Variants in DHX32 observed in about 807,000 individuals in gnomAD.
DHX32 encodes putative pre-mRNA-splicing factor ATP-dependent RNA helicase DHX32.
In DHX32, 51 loss-of-function variants were observed where a neutral mutation model predicts 70.0. The observed-to-expected ratio is 0.73, with a 90% confidence interval of 0.58 to 0.92. The LOEUF is 0.92. Among genes scored for constraint, DHX32 ranks in the 40% least tolerant of loss-of-function variants. The pLI, the probability that DHX32 is intolerant of heterozygous loss-of-function variation, is 0.00. For synonymous variants in DHX32, 310 were observed against 315.3 expected (o/e 0.98, Z 0.18); for missense variants, 762 against 891.8 (o/e 0.85, Z 1.85).
intron 6 of DHX32, among the ~76,000 whole-genome samples, chr10:125,844,656 A>G (rs1943989809): frequency 6.6e-6 from 1 of 152,234 alleles, no homozygotes; most frequent in East Asian, 1.9e-4. Flanking sequence ...TTGCTTAGCT[A>G]AAAAGCAGAA....
At position 125,854,220 on chromosome 10, in the gene DHX32, C is replaced by T; in HGVS notation, c.850-17G>A. ...CTCAATATCCTAAAGAAAAAAAAACCCATGAAAATAAAATACAATGCAAAC... is the reference window on the plus strand; with the variant it reads ...CTCAATATCCTAAAGAAAAAAAAACTCATGAAAATAAAATACAATGCAAAC... On this transcript the variant is annotated splice_polypyrimidine_tract_variant and intron_variant, in intron 3 of 10. Transcript: ENST00000284690. The T allele has an allele frequency of 6.4e-7, 1 of 1,562,580 alleles. No homozygotes were observed. The highest frequency in any genetic ancestry group is 8.6e-7 in the Non-Finnish European group (1 of 1,163,112).
Position 125,836,775 on chromosome 10 carries a change from T to C in DHX32, c.2144A>G (p.Asp715Gly). Residue 715 changes from aspartate to glycine, a missense_variant, in exon 11 of 11, where the codon GAT becomes GGT. Around this residue, in one of 3 missense-constraint regions of DHX32, gnomAD observed 366 missense variants for 402.6 expected, o/e 0.91. Coordinates refer to ENST00000284690, the MANE Select transcript of DHX32 (RefSeq NM_018180.3). ...ESKDILQQVVDHLSPVSTMNK... is the reference protein window; with the variant it reads ...ESKDILQQVVGHLSPVSTMNK... ...CATTGTTGACACAGGGGATAGGTGATCCACTACTTGCTGTAGAATGTCCTT... is the reference window on the plus strand; with the variant it reads ...CATTGTTGACACAGGGGATAGGTGACCCACTACTTGCTGTAGAATGTCCTT... 1 of 1,614,144 alleles carries C rather than the reference T, an allele frequency of 6.2e-7. No homozygotes were observed. The highest frequency in any genetic ancestry group is 8.5e-7 in the Non-Finnish European group (1 of 1,180,008).
At chr10:125,847,792 A>C (rs1343049078) in intron 6 of DHX32, among the ~76,000 whole-genome samples, 1 of 152,170 alleles carries the variant, frequency 6.6e-6, no homozygotes, top group Non-Finnish European at 1.5e-5. Flanking sequence ...GTGACAGATC[A>C]TCAGGCATTA....
intron 6 of DHX32, among the ~76,000 whole-genome samples, chr10:125,847,080 A>G (rs1454792474): frequency 6.6e-6 from 1 of 152,180 alleles, no homozygotes; most frequent in Non-Finnish European, 1.5e-5. Flanking sequence ...GGCATTGTGT[A>G]AAAGAGTCCA....
At chr10:125,885,098 C>T (rs1198327356), upstream of DHX32, among the ~76,000 whole-genome samples, 1 of 152,136 alleles carries the variant, frequency 6.6e-6, no homozygotes, top group Non-Finnish European at 1.5e-5. Context: ...TCAGACTTTA[C>T]ACGCCTGCAA....
At chr10:125,891,353 CTTT>C (rs33930520) in intron 1 of DHX32, among the ~76,000 whole-genome samples, 34 of 134,366 alleles carry the variant, frequency 2.5e-4, no homozygotes, top group African/African-American at 4.0e-4. Flanking sequence ...CTCTCTCTCT[CTTT>C]TTTTTTTTAA....
chr10:125,867,068 T>A lies in DHX32; in HGVS notation c.398A>T (p.Glu133Val), dbSNP rs1365918792. 1.9e-6 allele frequency: 3 copies of A among 1,614,242 alleles called. No individual in the cohort carries two copies. Among genetic ancestry groups the A allele is most frequent in the Non-Finnish European group, 2.5e-6 (3 of 1,180,034 alleles). Reference protein sequence around the residue: ...VVQLALRVADEMDVNIGHEVG... With the variant: ...VVQLALRVADVMDVNIGHEVG... Reference sequence around the variant, plus strand: ...CTCATGACCAATGTTAACATCCATTTCATCCGCCACCCGCAGGGCGAGCTG... The same window carrying A: ...CTCATGACCAATGTTAACATCCATTACATCCGCCACCCGCAGGGCGAGCTG... Residue 133 changes from glutamate (E) to valine (V), a missense_variant, in exon 2 of 11, where the codon GAA becomes GTA. Coordinates refer to ENST00000284690, the MANE Select transcript of DHX32 (RefSeq NM_018180.3).
intron 1 of DHX32, among the ~76,000 whole-genome samples, chr10:125,893,544 G>GT (rs1163614940): frequency 6.6e-6 from 1 of 152,206 alleles, no homozygotes; most frequent in Non-Finnish European, 1.5e-5. Context: ...CGCCCGGCCA[G>GT]TGTCCTTTAG....
chr10:125,841,119 T>C (rs1446675793), intron 7 of DHX32, 123 bp from the exon 8 acceptor site: 4 of 1,358,622 alleles, frequency 2.9e-6, no homozygotes, highest in Non-Finnish European at 4.0e-6. Context: ...TCTGAATAAA[T>C]ATGTTATTCT....
At chr10:125,848,567 C>G (rs1944052916) in intron 6 of DHX32, among the ~76,000 whole-genome samples, 1 of 152,188 alleles carries the variant, frequency 6.6e-6, no homozygotes, top group Non-Finnish European at 1.5e-5. Flanking sequence ...GCCAGCACAG[C>G]TGATGCTGGA....
At chr10:125,852,973 G>A (rs1944110810) in intron 4 of DHX32, 1 of 634,914 alleles carries the variant, frequency 1.6e-6, no homozygotes, top group Non-Finnish European at 2.8e-6. Flanking sequence ...ACAGAGAAAG[G>A]GTTCTCACCT....
At chr10:125,839,213 A>G (rs1854797993) in intron 8 of DHX32, 25 bp from the exon 9 acceptor site, 1 of 1,606,506 alleles carries the variant, frequency 6.2e-7, no homozygotes, top group Non-Finnish European at 8.5e-7. Flanking sequence ...ACACAAGGCT[A>G]TTTAGAAATG....
chr10:125,861,718 C>T (rs1564828632), intron 2 of DHX32, among the ~76,000 whole-genome samples: 1 of 152,172 alleles, frequency 6.6e-6, no homozygotes, highest in African/African-American at 2.4e-5. Flanking sequence ...CTTCACTGGG[C>T]GAGAGCTCGT....
upstream of DHX32, among the ~76,000 whole-genome samples, chr10:125,885,327 G>C (rs1345421918): frequency 6.6e-6 from 1 of 152,112 alleles, no homozygotes; most frequent in Non-Finnish European, 1.5e-5. Context: ...TACTTTGCAT[G>C]GCAAAAGGGA....
intron 8 of DHX32, among the ~76,000 whole-genome samples, chr10:125,840,459 G>A (rs1854843997): frequency 6.6e-6 from 1 of 152,228 alleles, no homozygotes; most frequent in Non-Finnish European, 1.5e-5. Flanking sequence ...TGGTGAATGT[G>A]CCAGGATACG....
upstream of DHX32, among the ~76,000 whole-genome samples, chr10:125,882,483 T>C (rs1044985020): frequency 1.3e-5 from 2 of 152,136 alleles, no homozygotes; most frequent in African/African-American, 4.8e-5. Context: ...AAGGGCTTAT[T>C]AGATGAGTAA....
intron 3 of DHX32, among the ~76,000 whole-genome samples, chr10:125,855,791 C>T (rs534503691): frequency 1.9e-3 from 287 of 152,274 alleles, no homozygotes; most frequent in African/African-American, 6.6e-3. Flanking sequence ...TACTTTTATT[C>T]TCCTAGAAGA....
upstream of DHX32, among the ~76,000 whole-genome samples, chr10:125,883,866 G>A (rs1944330675): frequency 6.6e-6 from 1 of 152,154 alleles, no homozygotes; most frequent in African/African-American, 2.4e-5. Flanking sequence ...TGCTCTCCTG[G>A]AGCCCTGCTC....
At chr10:125,861,438 A>G (rs1459797517) in intron 2 of DHX32, among the ~76,000 whole-genome samples, 1 of 152,126 alleles carries the variant, frequency 6.6e-6, no homozygotes, top group Admixed American at 6.5e-5. Flanking sequence ...CGGAGCTTGC[A>G]GTGAGCCGAG....
Sources: gnomAD v4.1 joint callset for allele counts (sites outside exome capture counted in the v4.1 genomes callset) on GRCh38, gnomAD v4.1.1 for gene constraint, gnomAD v4.1.1 regional missense constraint, MANE v1.5 for transcripts, NCBI Gene and HGNC (gene_info 2026-07-23, HGNC 2026-07-21) for gene names.